PRELID2: variants seen among roughly 807,000 people sequenced by gnomAD.
PRELID2 encodes PRELI domain-containing protein 2.
A neutral mutation model predicts 28.4 loss-of-function variants in PRELID2; 25 were observed. The observed-to-expected ratio is 0.88, with a 90% confidence interval of 0.64 to 1.23. The LOEUF (loss-of-function observed/expected upper bound fraction) is 1.23. Among genes scored for constraint, PRELID2 ranks in the 50% most tolerant of loss-of-function variants. The pLI is 0.00. For synonymous variants in PRELID2, 76 were observed against 71.6 expected (o/e 1.06, Z -0.31); for missense variants, 201 against 214.4 (o/e 0.94, Z 0.39).
intron 1 of PRELID2, among the ~76,000 whole-genome samples, chr5:145,626,682 A>G (rs1319956988): frequency 6.6e-6 from 1 of 152,214 alleles, no homozygotes; most frequent in Non-Finnish European, 1.5e-5. Context: ...TATCTACCCA[A>G]AGGAAAATAA....
At chr5:145,252,307 C>T in the PRELID2 span, among the ~76,000 whole-genome samples, 5 of 152,076 alleles carry the variant, frequency 3.3e-5, no homozygotes, top group East Asian at 1.9e-4. Context: ...CTGTCTTAAA[C>T]GAAAATCTGC....
intron 1 of PRELID2, among the ~76,000 whole-genome samples, chr5:145,520,906 C>G (rs888412864): frequency 6.6e-6 from 1 of 152,116 alleles, no homozygotes; most frequent in African/African-American, 2.4e-5. Flanking sequence ...TTATTTTACT[C>G]ATTTGTTTCT....
At chr5:145,810,154 G>A (rs552460901) in intron 4 of PRELID2, among the ~76,000 whole-genome samples, 11 of 152,286 alleles carry the variant, frequency 7.2e-5, no homozygotes, top group Admixed American at 3.9e-4. Flanking sequence ...CAAAGTAAAT[G>A]TGTGTGTCCT....
chr5:145,455,754 T>C, the PRELID2 span, among the ~76,000 whole-genome samples: 1 of 152,176 alleles, frequency 6.6e-6, no homozygotes, highest in Admixed American at 6.5e-5. Flanking sequence ...TTGTCTGTTA[T>C]TGTTGTATAG....
chr5:145,764,970 C>A lies in PRELID2; in HGVS notation c.505G>T (p.Glu169Ter), dbSNP rs759480339. 3.7e-6 allele frequency: 6 copies of A among 1,610,906 alleles called. No homozygotes were observed. The highest frequency in any genetic ancestry group is 4.2e-6 in the Non-Finnish European group (5 of 1,178,848). The change falls in exon 6 of 7, where the codon GAA becomes TAA. Residue 169 changes from glutamate (E) to a stop codon, truncating the protein, a stop_gained. Coordinates refer to ENST00000683046, the MANE Select transcript of PRELID2 (RefSeq NM_205846.3). LOFTEE classifies it high-confidence loss of function. Reference protein sequence around the residue: ...GIRIMEMLLKEQCGAPLAE With the variant: ...GIRIMEMLLK Reference sequence around the variant, plus strand: ...TCAGCTAAGGGGGCACCACACTGTTCCTTTAGCAGCATCTCCATGATTCTA... The same window carrying A: ...TCAGCTAAGGGGGCACCACACTGTTACTTTAGCAGCATCTCCATGATTCTA...
chr5:145,466,203 A>T, the PRELID2 span, among the ~76,000 whole-genome samples: 12 of 152,166 alleles, frequency 7.9e-5, no homozygotes, highest in Admixed American at 7.2e-4. Flanking sequence ...ATCTAAAAAG[A>T]TACTCTCCAT....
At chr5:145,543,095 C>T (rs1358621666) in intron 1 of PRELID2, among the ~76,000 whole-genome samples, 3 of 152,080 alleles carry the variant, frequency 2.0e-5, no homozygotes, top group Non-Finnish European at 2.9e-5. Context: ...TTTCCTTGCC[C>T]TTCTCTAGGT....
intron 1 of PRELID2, among the ~76,000 whole-genome samples, chr5:145,571,034 G>T (rs999274418): frequency 2.0e-5 from 3 of 152,128 alleles, no homozygotes; most frequent in Admixed American, 2.0e-4. Flanking sequence ...CCAAATGGCA[G>T]AACATAATTC....
intron 1 of PRELID2, among the ~76,000 whole-genome samples, chr5:145,600,696 A>G (rs1753384242): frequency 1.3e-5 from 2 of 152,070 alleles, no homozygotes; most frequent in African/African-American, 2.4e-5. Flanking sequence ...TGTGTTAACA[A>G]TCAAAGATCA....
intron 1 of PRELID2, among the ~76,000 whole-genome samples, chr5:145,671,137 A>G (rs893907011): frequency 1.3e-4 from 20 of 152,208 alleles, no homozygotes; most frequent in African/African-American, 4.6e-4. Flanking sequence ...TGTTCCTCTC[A>G]GAAAATTTGT....
At chr5:145,529,547 A>T (rs142498405) in intron 1 of PRELID2, among the ~76,000 whole-genome samples, 1 of 152,300 alleles carries the variant, frequency 6.6e-6, no homozygotes. Flanking sequence ...CAATACTGTC[A>T]CTTGTCCTCA....
chr5:145,442,764 C>T, the PRELID2 span, among the ~76,000 whole-genome samples: 3 of 151,940 alleles, frequency 2.0e-5, no homozygotes, highest in Non-Finnish European at 4.4e-5. Flanking sequence ...TCTAACAGAG[C>T]CTTAAAACAG....
chr5:145,231,396 G>A, the PRELID2 span, among the ~76,000 whole-genome samples: 1 of 152,206 alleles, frequency 6.6e-6, no homozygotes, highest in African/African-American at 2.4e-5. Context: ...ACTCTAAACT[G>A]AATATAATGC....
At chr5:145,756,064 T>TC (rs1454611090), downstream of PRELID2, among the ~76,000 whole-genome samples, 2 of 152,238 alleles carry the variant, frequency 1.3e-5, no homozygotes, top group Non-Finnish European at 2.9e-5. Context: ...ATTCTGTTTG[T>TC]CCATGTTGGG....
At chr5:145,779,677 T>C (rs1293508436) in intron 5 of PRELID2, among the ~76,000 whole-genome samples, 1 of 152,144 alleles carries the variant, frequency 6.6e-6, no homozygotes, top group African/African-American at 2.4e-5. Context: ...TTATGAAGTA[T>C]TTATTGTGTG....
intron 1 of PRELID2, among the ~76,000 whole-genome samples, chr5:145,673,782 G>A (rs1754758331): frequency 6.6e-6 from 1 of 152,010 alleles, no homozygotes; most frequent in African/African-American, 2.4e-5. Context: ...TCATTGGAAG[G>A]GGAAAAGCCT....
At chr5:145,789,113 T>C (rs1752199448) in intron 5 of PRELID2, among the ~76,000 whole-genome samples, 2 of 152,032 alleles carry the variant, frequency 1.3e-5, no homozygotes, top group Non-Finnish European at 2.9e-5. Context: ...CTATCAATAT[T>C]CCAACAACAT....
intron 1 of PRELID2, among the ~76,000 whole-genome samples, chr5:145,659,322 A>G (rs752848251): frequency 1.3e-5 from 2 of 152,202 alleles, no homozygotes; most frequent in African/African-American, 2.4e-5. Context: ...TTCAGTTCAC[A>G]ATTAGAAACT....
intron 1 of PRELID2, among the ~76,000 whole-genome samples, chr5:145,644,573 G>T (rs1754165147): frequency 6.6e-6 from 1 of 151,934 alleles, no homozygotes; most frequent in Non-Finnish European, 1.5e-5. Flanking sequence ...GAATTTGTTT[G>T]CTCTTGCTTC....
Sources: allele counts gnomAD v4.1 joint callset (sites outside exome capture counted in the v4.1 genomes callset), GRCh38; gene constraint gnomAD v4.1.1; transcripts MANE v1.5; gene names NCBI Gene and HGNC (gene_info 2026-07-23, HGNC 2026-07-21).